The following DEPDC4 variants were observed in gnomAD, a reference collection of about 807,000 sequenced individuals.
DEPDC4 encodes the protein DEP domain containing 4.
A neutral mutation model predicts 52.0 loss-of-function variants in DEPDC4; 52 were observed. The observed-to-expected ratio is 1.00, with a 90% CI of 0.80 to 1.26. The LOEUF (loss-of-function observed/expected upper bound fraction) is 1.26. DEPDC4 is among the 50% of genes most tolerant of loss of function. The pLI, the probability that DEPDC4 is intolerant of heterozygous loss-of-function variation, is 0.00. For synonymous variants in DEPDC4, 201 were observed against 196.8 expected (o/e 1.02, Z -0.18); for missense variants, 530 against 546.9 (o/e 0.97, Z 0.31).
chr12:100,265,395 C>T (rs1013357184), intron 1 of DEPDC4, among the ~76,000 whole-genome samples: 1 of 152,114 alleles, frequency 6.6e-6, no homozygotes, highest in Non-Finnish European at 1.5e-5. Flanking sequence ...CAAGACCACA[C>T]TGGCCAACAT....
intron 9 of DEPDC4, among the ~76,000 whole-genome samples, chr12:100,242,173 T>C (rs1223582552): frequency 6.6e-6 from 1 of 152,180 alleles, no homozygotes; most frequent in East Asian, 1.9e-4. Flanking sequence ...CTGAATTCTA[T>C]AGCACTGCTT....
downstream of DEPDC4, among the ~76,000 whole-genome samples, chr12:100,238,743 T>C (rs140565666): frequency 0.024 from 3,593 of 152,150 alleles, 61 homozygotes; most frequent in African/African-American, 0.04. Flanking sequence ...CACTTCAGCC[T>C]CCCAAAGTGC....
chr12:100,254,129 CTTTCT>C (rs1309880704), intron 4 of DEPDC4, among the ~76,000 whole-genome samples: 1 of 151,952 alleles, frequency 6.6e-6, no homozygotes. Flanking sequence ...ATTGTTTTCC[CTTTCT>C]TATTTGCCCA....
downstream of DEPDC4, chr12:100,238,117 A>G (rs1370314402): frequency 6.4e-6 from 6 of 940,714 alleles, no homozygotes; most frequent in Non-Finnish European, 7.6e-6. Context: ...TTCCTCCCCA[A>G]CTTAAAAAAA....
chr12:100,237,424 A>G (rs899347005), downstream of DEPDC4, among the ~76,000 whole-genome samples: 1 of 151,534 alleles, frequency 6.6e-6, no homozygotes, highest in African/African-American at 2.4e-5. Context: ...GCCAGGCTGG[A>G]CTCGAACTCC....
the DEPDC4 span, among the ~76,000 whole-genome samples, chr12:100,281,019 G>GTTTTTTTTTTTTTTTTTTTTTT: frequency 2.0e-5 from 1 of 50,466 alleles, no homozygotes; most frequent in Non-Finnish European, 4.1e-5. Context: ...TACCATCAGT[G>GTTTTTTTTTTTTTTTTTTTTTT]TTTTTTTTTT....
chr12:100,262,309 G>T lies in DEPDC4; in HGVS notation c.655C>A (p.Pro219Thr). 6.2e-7 allele frequency: 1 copy of T among 1,613,070 alleles called. No individual in the cohort carries two copies. Among genetic ancestry groups the T allele is most frequent in the South Asian group, 1.1e-5 (1 of 90,884 alleles). Residue 219 changes from proline (P) to threonine (T), a missense_variant, in exon 3 of 10, where the codon CCA becomes ACA. Coordinates refer to ENST00000550587, the MANE Select transcript of DEPDC4 (RefSeq NM_001364818.2). ...AAAGGTTTCTGAACTGTGATATTTG[G>T]ACATAAAGCTGGATTCCCATTTATT... Reference protein sequence around the residue: ...HTINGNPALCPNITVQKPFLR... With the variant: ...HTINGNPALCTNITVQKPFLR...
intron 8 of DEPDC4, among the ~76,000 whole-genome samples, chr12:100,244,715 G>A (rs1227102907): frequency 6.6e-6 from 1 of 151,416 alleles, no homozygotes; most frequent in African/African-American, 2.4e-5. Context: ...TCCTGCCTCA[G>A]CCTCCCAAAG....
chr12:100,251,668 A>C (rs2096208569), intron 7 of DEPDC4, among the ~76,000 whole-genome samples: 1 of 151,780 alleles, frequency 6.6e-6, no homozygotes, highest in Non-Finnish European at 1.5e-5. Flanking sequence ...CCCAGGTTCA[A>C]GCGATTCTCC....
At chr12:100,239,934 C>G (rs2096152061), downstream of DEPDC4, among the ~76,000 whole-genome samples, 1 of 152,098 alleles carries the variant, frequency 6.6e-6, no homozygotes, top group Non-Finnish European at 1.5e-5. Context: ...CTGCTTCAGC[C>G]TCTCAAATAG....
At chr12:100,278,882 C>A in the DEPDC4 span, among the ~76,000 whole-genome samples, 1 of 152,158 alleles carries the variant, frequency 6.6e-6, no homozygotes, top group Admixed American at 6.5e-5. Flanking sequence ...CCTACCTCAG[C>A]CTCCCAAAGT....
At chr12:100,259,294 C>T (rs2096245714) in intron 3 of DEPDC4, among the ~76,000 whole-genome samples, 1 of 152,056 alleles carries the variant, frequency 6.6e-6, no homozygotes, top group Non-Finnish European at 1.5e-5. Flanking sequence ...GTTATTGAGA[C>T]ATGAGAAACC....
In DEPDC4 at chr12:100,263,530, T is replaced by G; in HGVS notation, c.521A>C (p.Lys174Thr). 6.2e-7 allele frequency: 1 copy of G among 1,602,248 alleles called. No homozygotes were observed. Among genetic ancestry groups the G allele is most frequent in the Admixed American group, 1.7e-5 (1 of 57,696 alleles). The change falls in exon 2 of 10, where the codon AAG (lysine) becomes ACG (threonine). Residue 174 changes from lysine (K) to threonine (T), a missense_variant. Transcript: ENST00000550587. ...TTCATTGAACTCATTCTCAGCATCC[T>G]TTTGTCTTTTGCAACAATCGTAAGA... The part of the protein sequence containing the change: ...KSSYDCCKRQ[K>T]DAENEFNETL...
At chr12:100,247,181 A>G (rs1445632615) in intron 8 of DEPDC4, among the ~76,000 whole-genome samples, 1 of 134,934 alleles carries the variant, frequency 7.4e-6, no homozygotes, top group Non-Finnish European at 1.6e-5. Flanking sequence ...AAACACTTAT[A>G]TTTATAATCT....
chr12:100,238,626 T>C (rs1049720832), downstream of DEPDC4, among the ~76,000 whole-genome samples: 1 of 150,680 alleles, frequency 6.6e-6, no homozygotes, highest in Non-Finnish European at 1.5e-5. Flanking sequence ...GCTGGGACTA[T>C]AGGCACCCAC....
In DEPDC4 at chr12:100,266,912, A is replaced by G. The variant is rs2096276552; in HGVS notation, c.157+8T>C. On this transcript the variant is annotated splice_region_variant and intron_variant, in intron 1 of 9. Transcript: ENST00000550587. ...CACTGCACATTTGGCTAGGATATAC[A>G]GGGCTACCTGTCCTCCTTTTCCGGC... 4 of 1,611,856 alleles carry G rather than the reference A, an allele frequency of 2.5e-6. No homozygotes were observed. Among genetic ancestry groups the G allele is most frequent in the Non-Finnish European group, 3.4e-6 (4 of 1,178,874 alleles).
chr12:100,254,928 G>C (rs536696433), intron 4 of DEPDC4, among the ~76,000 whole-genome samples: 1 of 152,110 alleles, frequency 6.6e-6, no homozygotes, highest in Non-Finnish European at 1.5e-5. Context: ...GTCTCACTAT[G>C]TTGCCCATGC....
rs1488658802 is a variant in DEPDC4, at chr12:100,241,865, A to C, written c.*47-20T>G. The C allele has an allele frequency of 7.7e-6, 9 of 1,174,528 alleles. No homozygotes were observed. Among genetic ancestry groups the C allele is most frequent in the African/African-American group, 1.7e-5 (1 of 58,856 alleles). 72.8% of individuals were successfully genotyped at this position (1,174,528 alleles called of 1,614,324 possible). ...TAAAGCCTGGAAAAAAAAAAAAAAAACAAAAGAAAAAGAAAAGTACCACTG... is the reference window on the plus strand; with the variant it reads ...TAAAGCCTGGAAAAAAAAAAAAAAACCAAAAGAAAAAGAAAAGTACCACTG... On this transcript the variant is annotated intron_variant, in intron 9 of 9. Coordinates refer to ENST00000550587, the MANE Select transcript of DEPDC4 (RefSeq NM_001364818.2).
chr12:100,266,894 C>T, intron 1 of DEPDC4, 26 bp downstream of exon 1: 2 of 1,603,434 alleles, frequency 1.2e-6, no homozygotes, highest in Middle Eastern at 3.3e-4. Flanking sequence ...CTTCACTGCA[C>T]ATTTGGCTAG....
Sources: gnomAD v4.1 joint callset for allele counts (sites outside exome capture counted in the v4.1 genomes callset) on GRCh38, gnomAD v4.1.1 for gene constraint, MANE v1.5 for transcripts, NCBI Gene and HGNC (gene_info 2026-07-23, HGNC 2026-07-21) for gene names.